PACRG: variants seen among roughly 807,000 people sequenced by gnomAD.
PACRG encodes parkin coregulated gene protein.
PACRG carries 29 observed loss-of-function variants against 29.7 expected under a neutral mutation model. The observed-to-expected ratio is 0.98, with a 90% CI of 0.73 to 1.33. The LOEUF (loss-of-function observed/expected upper bound fraction) is 1.33, where lower values mean the gene tolerates loss of function less well. Ranked by LOEUF, PACRG falls within the 40% of genes most tolerant of loss-of-function variation. The pLI is 0.00. For synonymous variants in PACRG, 116 were observed against 118.7 expected, an observed-to-expected ratio of 0.98 and a Z score of 0.15; for missense variants, 279 against 316.2, an observed-to-expected ratio of 0.88 and a Z score of 0.89.
chr6:163,240,140 G>A (rs1219170510), intron 4 of PACRG, among the ~76,000 whole-genome samples: 1 of 151,946 alleles, frequency 6.6e-6, no homozygotes, highest in East Asian at 1.9e-4. Flanking sequence ...CCAGAGCTCT[G>A]CTTCCGAGAC....
intron 4 of PACRG, among the ~76,000 whole-genome samples, chr6:163,285,740 G>T (rs900205632): frequency 6.6e-6 from 1 of 152,210 alleles, no homozygotes; most frequent in Non-Finnish European, 1.5e-5. Flanking sequence ...GTCATAAGGA[G>T]CAGAGCTGTC....
chr6:163,024,543 G>A (rs9356093), intron 2 of PACRG, among the ~76,000 whole-genome samples: 58,779 of 152,020 alleles, frequency 0.39, 12,718 homozygotes, highest in East Asian at 0.68. Context: ...GCTTAGAAGC[G>A]CTTTGGCTAT....
chr6:163,092,318 C>CCCAGG (rs56105645), intron 4 of PACRG, among the ~76,000 whole-genome samples: 42,330 of 151,582 alleles, frequency 0.28, 6,187 homozygotes, highest in East Asian at 0.5. Flanking sequence ...ATGTGAGGAG[C>CCCAGG]CCAGGCTTCC....
chr6:163,081,688 T>C (rs996824828), intron 3 of PACRG, among the ~76,000 whole-genome samples: 3 of 152,068 alleles, frequency 2.0e-5, no homozygotes, highest in African/African-American at 7.3e-5. Flanking sequence ...CCCAGGTGGA[T>C]TAAGCTATAG....
intron 2 of PACRG, among the ~76,000 whole-genome samples, chr6:162,935,392 CTTTT>C (rs79058842): frequency 4.0e-5 from 5 of 124,044 alleles, no homozygotes; most frequent in Admixed American, 8.0e-5. Context: ...CTGTTTTATT[CTTTT>C]TTTTTTTTTT....
chr6:163,035,812 CA>C (rs1156795173), intron 2 of PACRG, among the ~76,000 whole-genome samples: 278 of 64,262 alleles, frequency 4.3e-3, no homozygotes, highest in Middle Eastern at 0.017. Context: ...GACTCTGTCT[CA>C]AAAAAAAAAA....
intron 2 of PACRG, among the ~76,000 whole-genome samples, chr6:162,965,965 G>A (rs528765295): frequency 1.3e-5 from 2 of 152,292 alleles, no homozygotes; most frequent in South Asian, 4.1e-4. Context: ...CAACTGAGAG[G>A]AATATCGTGC....
chr6:163,079,488 C>T (rs1257819082), intron 3 of PACRG, among the ~76,000 whole-genome samples: 1 of 151,874 alleles, frequency 6.6e-6, no homozygotes, highest in Non-Finnish European at 1.5e-5. Context: ...ACCATAGAGG[C>T]CTTGCCAGAT....
In PACRG at chr6:163,150,604, C is replaced by T. The variant is rs976392072; in HGVS notation, c.613+61196C>T. 5.8e-4 allele frequency among the ~76,000 whole-genome samples: 7 copies of T among 12,000 alleles called. No individual in the cohort carries two copies. The African/African-American group carries it at 0.031, about 53-fold the overall frequency. The allele number at this position is 12,000 out of a possible 152,430, so 7.9% of individuals were successfully genotyped here. A position where few individuals can be genotyped will look rare whatever the true frequency, so the allele number is the denominator to read the frequency against. On this transcript the variant is annotated intron_variant, in intron 4 of 4. Transcript: ENST00000366888. ...CAGAAATCCTTCCAGGCTCAAGTTC[C>T]CCCGCCTCTTACCCTCTAAGAACAG...
intron 2 of PACRG, among the ~76,000 whole-genome samples, chr6:163,029,848 T>C (rs759564723): frequency 1.1e-4 from 17 of 152,162 alleles, no homozygotes; most frequent in Admixed American, 5.9e-4. Flanking sequence ...GACTTCCTGA[T>C]TCTTGCTGCT....
chr6:163,083,425 A>G (rs373209362), intron 3 of PACRG, among the ~76,000 whole-genome samples: 35 of 152,186 alleles, frequency 2.3e-4, no homozygotes, highest in East Asian at 1.4e-3. Context: ...ACCAATGTAC[A>G]TCTTACATAT....
chr6:162,948,975 C>A (rs1026548170), intron 2 of PACRG, among the ~76,000 whole-genome samples: 1 of 151,968 alleles, frequency 6.6e-6, no homozygotes, highest in Non-Finnish European at 1.5e-5. Context: ...ACAGAACTGC[C>A]ATATGATATG....
At chr6:162,953,073 A>G (rs941050901) in intron 2 of PACRG, among the ~76,000 whole-genome samples, 7 of 152,154 alleles carry the variant, frequency 4.6e-5, no homozygotes, top group African/African-American at 1.7e-4. Flanking sequence ...TTTTTTAAAT[A>G]TTTTGTGTGG....
chr6:163,096,383 A>G (rs1373283881), intron 4 of PACRG, among the ~76,000 whole-genome samples: 5 of 152,186 alleles, frequency 3.3e-5, no homozygotes, highest in Non-Finnish European at 7.3e-5. Context: ...GTTTGTACCA[A>G]TAAATGTGGG....
intron 4 of PACRG, among the ~76,000 whole-genome samples, chr6:163,218,747 C>T (rs1344924895): frequency 1.3e-5 from 2 of 152,236 alleles, no homozygotes; most frequent in South Asian, 2.1e-4. Flanking sequence ...GCTGGCTCCT[C>T]CTCCCTCTGC....
At chr6:163,253,660 C>T (rs549675117) in intron 4 of PACRG, among the ~76,000 whole-genome samples, 2 of 152,152 alleles carry the variant, frequency 1.3e-5, no homozygotes, top group Non-Finnish European at 2.9e-5. Flanking sequence ...TCACCTGGCC[C>T]AAAAACTGCA....
At chr6:163,257,500 G>A (rs1783160116) in intron 4 of PACRG, among the ~76,000 whole-genome samples, 1 of 152,194 alleles carries the variant, frequency 6.6e-6, no homozygotes, top group South Asian at 2.1e-4. Context: ...CCCTTAGTCA[G>A]TTCCACTCAT....
intron 2 of PACRG, among the ~76,000 whole-genome samples, chr6:162,922,567 C>G (rs982154471): frequency 6.6e-6 from 1 of 151,910 alleles, no homozygotes; most frequent in African/African-American, 2.4e-5. Flanking sequence ...TATTTCCCCC[C>G]ATCCCCACCA....
Position 163,154,197 on chromosome 6 carries a change from AG to A in PACRG, c.613+64792del, listed in dbSNP as rs371075427. On this transcript the variant is annotated intron_variant, in intron 4 of 4. Transcript: ENST00000366888. ...CCTCTGCGGAGCTGGACGTGCCCCC[AG>A]GGTTGCTCAGCCAAACAGAAGGATC... 4.7e-3 allele frequency among the ~76,000 whole-genome samples: 712 copies of A among 152,330 alleles called. 10 individuals carry two copies. Among genetic ancestry groups the A allele is most frequent in the African/African-American group, 0.016 (681 of 41,576 alleles).
Sources: gnomAD v4.1 joint callset for allele counts (sites outside exome capture counted in the v4.1 genomes callset) on GRCh38, gnomAD v4.1.1 for gene constraint, MANE v1.5 for transcripts, NCBI Gene and HGNC (gene_info 2026-07-23, HGNC 2026-07-21) for gene names.